The following CATSPERT variants were observed in gnomAD, a reference collection of about 807,000 sequenced individuals.
CATSPERT encodes catsper channel auxiliary subunit tau, also known as cation channel sperm-associated targeting subunit tau.
At chr2:201,592,251 G>C in the CATSPERT span, among the ~76,000 whole-genome samples, 1 of 150,804 alleles carries the variant, frequency 6.6e-6, no homozygotes, top group African/African-American at 2.4e-5. Context: ...TGTGGTTTTT[G>C]TCTTTGGTTC....
At chr2:201,487,983 G>A in the CATSPERT span, 1 of 1,163,640 alleles carries the variant, frequency 8.6e-7, no homozygotes, top group Admixed American at 2.7e-5. Flanking sequence ...CTTCTGACAT[G>A]GATGGTCAAA....
At chr2:201,604,640 T>C in the CATSPERT span, 1 of 1,601,056 alleles carries the variant, frequency 6.2e-7, no homozygotes, top group African/African-American at 1.3e-5. Context: ...AAATTTGGCG[T>C]CTCCTGTGTT....
the CATSPERT span, among the ~76,000 whole-genome samples, chr2:201,567,568 G>C: frequency 6.6e-6 from 1 of 152,158 alleles, no homozygotes; most frequent in African/African-American, 2.4e-5. Context: ...TCCAAAGGCT[G>C]GTAGGCTGGA....
the CATSPERT span, chr2:201,549,787 C>A: frequency 1.3e-5 from 2 of 152,072 alleles, no homozygotes; most frequent in Non-Finnish European, 2.9e-5. Context: ...CTAACCCACA[C>A]AAAATAGATG....
At chr2:201,612,843 C>T in the CATSPERT span, among the ~76,000 whole-genome samples, 2 of 152,198 alleles carry the variant, frequency 1.3e-5, no homozygotes, top group Admixed American at 6.5e-5. Flanking sequence ...AATCGGGACA[C>T]TCCCACCCTA....
chr2:201,603,165 T>A, the CATSPERT span: 13 of 1,511,272 alleles, frequency 8.6e-6, no homozygotes, highest in Non-Finnish European at 1.2e-5. Flanking sequence ...AATGCAGCAA[T>A]GGATAACTGA....
At chr2:201,618,978 G>T in the CATSPERT span, 1 of 1,613,998 alleles carries the variant, frequency 6.2e-7, no homozygotes, top group South Asian at 1.1e-5. Context: ...GGGCGTAAGG[G>T]ACCGAAGAAG....
the CATSPERT span, among the ~76,000 whole-genome samples, chr2:201,598,983 C>G: frequency 6.6e-6 from 1 of 152,118 alleles, no homozygotes; most frequent in Admixed American, 6.5e-5. Context: ...CCAAAGACCC[C>G]TGAAATTATT....
the CATSPERT span, among the ~76,000 whole-genome samples, chr2:201,612,664 G>C: frequency 2.6e-5 from 4 of 151,346 alleles, no homozygotes; most frequent in African/African-American, 9.7e-5. Flanking sequence ...ACAGAAGACA[G>C]GTGATTCCTG....
At chr2:201,569,327 T>C in the CATSPERT span, among the ~76,000 whole-genome samples, 1 of 152,174 alleles carries the variant, frequency 6.6e-6, no homozygotes, top group Non-Finnish European at 1.5e-5. Flanking sequence ...TTTCTGCTTA[T>C]ACAGATGAGG....
the CATSPERT span, among the ~76,000 whole-genome samples, chr2:201,558,592 A>T: frequency 6.6e-6 from 1 of 152,182 alleles, no homozygotes; most frequent in South Asian, 2.1e-4. Context: ...ACCAGCCCCC[A>T]TTGCCACCAC....
At chr2:201,511,743 GTTGAAAGAGATGTTATCAGTCCT>G in the CATSPERT span, 1 of 145,294 alleles carries the variant, frequency 6.9e-6, no homozygotes, top group Admixed American at 7.0e-5. Context: ...TCAGCTATGA[GTTGAAAGAGATGTTATCAGTCCT>G]TTCCAATTCA....
chr2:201,611,909 A>C, the CATSPERT span, among the ~76,000 whole-genome samples: 1 of 152,180 alleles, frequency 6.6e-6, no homozygotes, highest in Non-Finnish European at 1.5e-5. Context: ...CAAGAGTTTC[A>C]GGAGGCCAAT....
chr2:201,494,466 A>G, the CATSPERT span: 3 of 1,537,352 alleles, frequency 2.0e-6, no homozygotes, highest in Non-Finnish European at 2.6e-6. Context: ...CTTTTAAACT[A>G]TTCTTTGTAT....
chr2:201,553,434 A>G, the CATSPERT span: 3 of 152,176 alleles, frequency 2.0e-5, no homozygotes, highest in African/African-American at 7.2e-5. Flanking sequence ...TCATAGTAAC[A>G]GGCTTCCAAT....
At chr2:201,597,338 T>C in the CATSPERT span, among the ~76,000 whole-genome samples, 3 of 152,204 alleles carry the variant, frequency 2.0e-5, no homozygotes, top group African/African-American at 7.2e-5. Context: ...TCCTGGAGGC[T>C]TACCCTGTAC....
At chr2:201,571,107 T>C in the CATSPERT span, among the ~76,000 whole-genome samples, 1 of 152,246 alleles carries the variant, frequency 6.6e-6, no homozygotes, top group Non-Finnish European at 1.5e-5. Context: ...GTATTTGCCA[T>C]GACTTGGGGA....
At chr2:201,512,099 A>T in the CATSPERT span, among the ~76,000 whole-genome samples, 1 of 152,072 alleles carries the variant, frequency 6.6e-6, no homozygotes, top group Non-Finnish European at 1.5e-5. Context: ...AACCCAATTT[A>T]TCTTTTTCAA....
chr2:201,492,615 T>G, the CATSPERT span: 5 of 1,526,714 alleles, frequency 3.3e-6, no homozygotes, highest in South Asian at 6.0e-5. Context: ...CTGAAATGTT[T>G]TTTAGGAAAT....
Sources: gnomAD v4.1 joint callset for allele counts (sites outside exome capture counted in the v4.1 genomes callset) on GRCh38, gnomAD v4.1.1 for gene constraint, MANE v1.5 for transcripts, NCBI Gene and HGNC (gene_info 2026-07-23, HGNC 2026-07-21) for gene names.